STX8: variants seen among roughly 807,000 people sequenced by gnomAD.
STX8 encodes the protein syntaxin 8.
STX8 carries 23 observed loss-of-function variants against 37.5 expected under a neutral mutation model. The observed-to-expected ratio is 0.61, with a 90% confidence interval of 0.44 to 0.87. The LOEUF is 0.87. STX8 is among the 40% of genes least tolerant of loss of function. The pLI is 0.00. For missense variants in STX8, 313 were observed against 284.7 expected (o/e 1.10, Z -0.71); for synonymous variants, 115 against 99.1 (o/e 1.16, Z -0.95).
At chr17:9,366,591 A>G (rs1302184214) in intron 7 of STX8, among the ~76,000 whole-genome samples, 3 of 152,324 alleles carry the variant, frequency 2.0e-5, no homozygotes, top group South Asian at 4.1e-4. Flanking sequence ...CCACTATGCT[A>G]TATACGTATG....
chr17:9,477,495 G>A (rs1182845223), intron 6 of STX8, among the ~76,000 whole-genome samples: 2 of 149,590 alleles, frequency 1.3e-5, no homozygotes, highest in Non-Finnish European at 1.5e-5. Flanking sequence ...CACTTGTGTG[G>A]AAAAAAAAAG....
chr17:9,438,682 A>G (rs954349711), intron 6 of STX8, among the ~76,000 whole-genome samples: 6 of 152,000 alleles, frequency 3.9e-5, no homozygotes, highest in Non-Finnish European at 5.9e-5. Flanking sequence ...TAATCCCAGC[A>G]CTTTGGGAGG....
chr17:9,327,171 G>A (rs1251794731), intron 7 of STX8, among the ~76,000 whole-genome samples: 7 of 140,802 alleles, frequency 5.0e-5, no homozygotes, highest in South Asian at 2.2e-4. Context: ...AAAAAAAAAA[G>A]AAGAAGAAGA....
At chr17:9,302,062 A>G (rs1489078669) in intron 7 of STX8, among the ~76,000 whole-genome samples, 1 of 152,202 alleles carries the variant, frequency 6.6e-6, no homozygotes, top group Non-Finnish European at 1.5e-5. Flanking sequence ...CTAGTACCAG[A>G]GTATTTTGGG....
chr17:9,454,454 A>G (rs1261093041), intron 6 of STX8, among the ~76,000 whole-genome samples: 3 of 151,974 alleles, frequency 2.0e-5, no homozygotes, highest in Non-Finnish European at 4.4e-5. Flanking sequence ...CGAGGCGGGC[A>G]GATCACGAGG....
At chr17:9,532,503 A>C (rs1401854765) in intron 4 of STX8, among the ~76,000 whole-genome samples, 1 of 152,178 alleles carries the variant, frequency 6.6e-6, no homozygotes, top group Non-Finnish European at 1.5e-5. Flanking sequence ...ACACACAGAA[A>C]ACTGTTAAAA....
chr17:9,339,070 C>CAAAAAAAAAAAAAA (rs34987749), intron 7 of STX8, among the ~76,000 whole-genome samples: 29 of 70,014 alleles, frequency 4.1e-4, no homozygotes, highest in African/African-American at 1.7e-3. Context: ...GACTCCGTCT[C>CAAAAAAAAAAAAAA]AAAAAAAAAA....
intron 5 of STX8, among the ~76,000 whole-genome samples, chr17:9,504,331 A>G (rs917572433): frequency 6.6e-6 from 1 of 151,988 alleles, no homozygotes; most frequent in Admixed American, 6.5e-5. Flanking sequence ...AAAATATAAG[A>G]AAGTTTAAAA....
At chr17:9,441,762 G>A (rs1904667539) in intron 6 of STX8, among the ~76,000 whole-genome samples, 1 of 137,300 alleles carries the variant, frequency 7.3e-6, no homozygotes, top group South Asian at 2.5e-4. Flanking sequence ...GGCAAGCTCC[G>A]CCTCCCGGGT....
At chr17:9,554,216 T>C (rs1906878203) in intron 3 of STX8, 1 of 152,398 alleles carries the variant, frequency 6.6e-6, no homozygotes, top group Non-Finnish European at 1.5e-5. Flanking sequence ...GCCGAGATTG[T>C]GCCACTGAAC....
chr17:9,509,613 T>G (rs1381925442), intron 4 of STX8, among the ~76,000 whole-genome samples: 1 of 152,022 alleles, frequency 6.6e-6, no homozygotes, highest in African/African-American at 2.4e-5. Context: ...TAAAACTCAC[T>G]GGTAGAGCCA....
chr17:9,556,126 T>C (rs1906955702), intron 3 of STX8, among the ~76,000 whole-genome samples: 1 of 152,236 alleles, frequency 6.6e-6, no homozygotes, highest in Non-Finnish European at 1.5e-5. Flanking sequence ...ATTGAATGTC[T>C]AGAAAACCAT....
intron 7 of STX8, among the ~76,000 whole-genome samples, chr17:9,335,878 C>T (rs973126185): frequency 6.6e-6 from 1 of 151,806 alleles, no homozygotes; most frequent in African/African-American, 2.4e-5. Context: ...CTCACATGAA[C>T]ATAAATACCT....
rs1458718197 is a variant in STX8 at position 9,394,969 on chromosome 17, G to A, written c.542-16316C>T. The stretch of plus-strand genomic sequence containing the variant: ...GCGGGCGCCGTAATCCCAACTACTC[G>A]GCAGGCTGAGGTAGGAGAATCACTT... On this transcript the variant is annotated intron_variant, in intron 6 of 7. Transcript: ENST00000306357. Among the ~76,000 whole-genome samples, 14 of 150,438 alleles carry A rather than the reference G, an allele frequency of 9.3e-5. No individual in the cohort carries two copies. In the East Asian group the frequency reaches 9.9e-4, roughly 11 times the overall value.
At chr17:9,458,353 G>T (rs1226395529) in intron 6 of STX8, among the ~76,000 whole-genome samples, 18 of 152,132 alleles carry the variant, frequency 1.2e-4, no homozygotes, top group Admixed American at 1.0e-3. Context: ...GTTTCACCGT[G>T]TCAGCCAGGA....
intron 7 of STX8, among the ~76,000 whole-genome samples, chr17:9,335,591 A>T (rs1044601971): frequency 2.1e-4 from 31 of 144,346 alleles, no homozygotes; most frequent in African/African-American, 7.4e-4. Context: ...CCAAACTGTT[A>T]GTAGTCATGA....
At chr17:9,472,028 T>C (rs918007368) in intron 6 of STX8, among the ~76,000 whole-genome samples, 1 of 147,332 alleles carries the variant, frequency 6.8e-6, no homozygotes, top group Admixed American at 6.7e-5. Flanking sequence ...CCCACACAGA[T>C]CATAATATTA....
chr17:9,433,569 C>G (rs934650143), intron 6 of STX8, among the ~76,000 whole-genome samples: 1 of 152,140 alleles, frequency 6.6e-6, no homozygotes, highest in East Asian at 1.9e-4. Flanking sequence ...GGATGTACAC[C>G]TATCTCCAAA....
At chr17:9,374,385 AG>A (rs1223704190) in intron 7 of STX8, among the ~76,000 whole-genome samples, 3 of 152,100 alleles carry the variant, frequency 2.0e-5, no homozygotes, top group African/African-American at 2.4e-5. Context: ...CCCAGCCAAA[AG>A]AAATTTTTTT....
Sources: gnomAD v4.1 joint callset for allele counts (sites outside exome capture counted in the v4.1 genomes callset) on GRCh38, gnomAD v4.1.1 for gene constraint, MANE v1.5 for transcripts, NCBI Gene and HGNC (gene_info 2026-07-23, HGNC 2026-07-21) for gene names.